Variants in POC5 observed in about 807,000 individuals in gnomAD.
POC5 encodes centrosomal protein POC5.
A neutral mutation model predicts 62.9 loss-of-function variants in POC5; 48 were observed. That is an observed-to-expected ratio of 0.76 (90% CI 0.61 to 0.97). The LOEUF is 0.97. POC5 is among the 50% of genes least tolerant of loss of function. The pLI, the probability that POC5 is intolerant of heterozygous loss-of-function variation, is 0.00. For synonymous variants in POC5, 236 were observed against 228.2 expected (o/e 1.03, Z -0.31); for missense variants, 696 against 679.5 (o/e 1.02, Z -0.27).
chr5:75,691,402 A>G (rs1323104187), intron 7 of POC5, among the ~76,000 whole-genome samples: 1 of 152,232 alleles, frequency 6.6e-6, no homozygotes, highest in African/African-American at 2.4e-5. Context: ...GAGTGTCAGC[A>G]TGACACCACA....
intron 10 of POC5, among the ~76,000 whole-genome samples, chr5:75,678,914 G>A (rs1470640333): frequency 1.3e-5 from 2 of 152,092 alleles, no homozygotes; most frequent in Admixed American, 6.5e-5. Flanking sequence ...TTACACAGCC[G>A]CCTGTTTAAG....
intron 10 of POC5, among the ~76,000 whole-genome samples, chr5:75,679,589 G>A (rs1471241907): frequency 6.6e-6 from 1 of 152,124 alleles, no homozygotes; most frequent in African/African-American, 2.4e-5. Context: ...ATTCACTATA[G>A]TTGGATAGAA....
At chr5:75,680,460 C>T (rs1490093106) in intron 10 of POC5, among the ~76,000 whole-genome samples, 1 of 152,034 alleles carries the variant, frequency 6.6e-6, no homozygotes, top group Non-Finnish European at 1.5e-5. Flanking sequence ...AAAATGACTT[C>T]TAAAAGACTT....
Position 75,690,511 on chromosome 5 carries a change from T to C in POC5, c.847A>G (p.Lys283Glu). 6.2e-7 allele frequency: 1 copy of C among 1,604,024 alleles called. No individual in the cohort carries two copies. The highest frequency in any genetic ancestry group is 2.2e-5 in the East Asian group (1 of 44,760). Residue 283 changes from lysine to glutamate, a missense_variant, in exon 8 of 12, where the codon AAA becomes GAA. By Grantham distance (56) the Lys-to-Glu change is moderately conservative. Coordinates refer to ENST00000428202, the MANE Select transcript of POC5 (RefSeq NM_001099271.2). ...DQYYQRTLLKKVWKVWRSVVQ... is the reference protein window; with the variant it reads ...DQYYQRTLLKEVWKVWRSVVQ... ...ACGGAACGCCAGACTTTCCAGACTT[T>C]CTTCAGTAAAGTTCTCTGGTAGTAC...
At chr5:75,702,975 T>G (rs1776954764) in intron 4 of POC5, 165 bp from the exon 5 acceptor site, 2 of 621,672 alleles carry the variant, frequency 3.2e-6, no homozygotes, top group South Asian at 4.0e-5. Flanking sequence ...AATTTCAGTA[T>G]TGTCAGTGAT....
At chr5:75,676,344 C>A (rs543782600) in intron 11 of POC5, among the ~76,000 whole-genome samples, 1 of 152,118 alleles carries the variant, frequency 6.6e-6, no homozygotes, top group South Asian at 2.1e-4. Context: ...AAGTCTTCTA[C>A]GAACTTTCAG....
chr5:75,692,587 A>T (rs1776389482), intron 6 of POC5, 87 bp from the exon 7 acceptor site: 1 of 913,014 alleles, frequency 1.1e-6, no homozygotes, highest in African/African-American at 1.7e-5. Context: ...AAAATGCTAG[A>T]GAGGATAGGT....
intron 10 of POC5, among the ~76,000 whole-genome samples, chr5:75,682,639 C>T (rs781582324): frequency 1.3e-4 from 19 of 151,726 alleles, no homozygotes; most frequent in Non-Finnish European, 2.2e-4. Context: ...CCTCGGCCTC[C>T]TGAGTAGCTG....
rs139917711 is a variant in POC5 at position 75,710,956 on chromosome 5, A to T, written c.84+1898T>A. Among the ~76,000 whole-genome samples the T allele has an allele frequency of 3.4e-3, 514 of 152,264 alleles. 4 individuals carry two copies. Among genetic ancestry groups the T allele is most frequent in the Middle Eastern group, 6.8e-3 (2 of 292 alleles). On this transcript the variant is annotated intron_variant, in intron 2 of 11. Transcript: ENST00000428202. ...TAAGAGAAGGAAAAAAAAGATCCAA[A>T]CACATATTTCAAATCATATACTTCA...
intron 1 of POC5, among the ~76,000 whole-genome samples, chr5:75,715,092 T>C (rs748117871): frequency 4.0e-5 from 6 of 151,670 alleles, no homozygotes; most frequent in Non-Finnish European, 8.8e-5. Flanking sequence ...GTGGGAGGAT[T>C]ACGAGGTCAG....
chr5:75,678,009 T>C (rs1775738049), intron 10 of POC5, 59 bp from the exon 11 acceptor site: 3 of 1,316,554 alleles, frequency 2.3e-6, no homozygotes, highest in Non-Finnish European at 2.0e-6. Context: ...CAGCAAAATC[T>C]ATTGATTCCA....
At chr5:75,713,865 T>C (rs879390005) in intron 1 of POC5, among the ~76,000 whole-genome samples, 1 of 152,120 alleles carries the variant, frequency 6.6e-6, no homozygotes, top group Non-Finnish European at 1.5e-5. Context: ...GCCATGGACA[T>C]GTATGCCACG....
chr5:75,699,132 C>T (rs1232945914), intron 5 of POC5, among the ~76,000 whole-genome samples: 4 of 152,138 alleles, frequency 2.6e-5, no homozygotes, highest in African/African-American at 9.7e-5. Context: ...TGAATTCTAC[C>T]AGAGGTACAA....
rs749952784 is a variant in POC5, at chr5:75,694,746, T to C, written c.599A>G (p.His200Arg). 28 of 1,597,760 alleles carry C rather than the reference T, an allele frequency of 1.8e-5. No individual in the cohort carries two copies. In the Admixed American group the frequency reaches 3.4e-4, roughly 19 times the overall value. The change falls in exon 6 of 12, where the codon CAT becomes CGT. Residue 200 changes from histidine (H) to arginine (R), a missense_variant. His to Arg is a conservative substitution (Grantham distance 29). Transcript: ENST00000428202. ...RMEMRKEKEKHAAHLKQLCNQ... is the reference protein window; with the variant it reads ...RMEMRKEKEKRAAHLKQLCNQ... ...ACACAGTTGTTTTAAATGTGCTGCATGTTTTTCTTTCTCTTTTCTCATTTC... is the reference window on the plus strand; with the variant it reads ...ACACAGTTGTTTTAAATGTGCTGCACGTTTTTCTTTCTCTTTTCTCATTTC...
At chr5:75,684,294 C>T (rs1325387677) in intron 10 of POC5, among the ~76,000 whole-genome samples, 2 of 146,404 alleles carry the variant, frequency 1.4e-5, no homozygotes, top group Non-Finnish European at 3.0e-5. Flanking sequence ...TTTGAAAACA[C>T]CCAATAGTGT....
chr5:75,681,220 C>T (rs982810104), intron 10 of POC5, among the ~76,000 whole-genome samples: 8 of 152,104 alleles, frequency 5.3e-5, no homozygotes, highest in Non-Finnish European at 8.8e-5. Context: ...AGTTACTAAT[C>T]GTGTCCTTAG....
At chr5:75,695,585 G>C (rs1346974224) in intron 5 of POC5, among the ~76,000 whole-genome samples, 1 of 152,018 alleles carries the variant, frequency 6.6e-6, no homozygotes, top group Non-Finnish European at 1.5e-5. Flanking sequence ...CTCTATATAT[G>C]TGAATATGCA....
rs961162363 is a variant in POC5 at position 75,700,840 on chromosome 5, C to T, written c.513+1765G>A. ...ACTTATCTGACAAAGGGCTAATATC[C>T]AGAATCTACAATGAACTCAAACAAA... On this transcript the variant is annotated intron_variant, in intron 5 of 11. Coordinates refer to ENST00000428202, the MANE Select transcript of POC5 (RefSeq NM_001099271.2). 1.1e-4 allele frequency among the ~76,000 whole-genome samples: 16 copies of T among 139,336 alleles called. 2 individuals are homozygous for T. The highest frequency in any genetic ancestry group is 2.0e-4 in the African/African-American group (8 of 39,184). The allele number at this position is 139,336 out of a possible 152,430, so 91.4% of individuals were successfully genotyped here. A position where few individuals can be genotyped will look rare whatever the true frequency, so the allele number is the denominator to read the frequency against.
chr5:75,715,309 C>CAAAA lies in POC5; in HGVS notation c.-15+1993_-15+1996dup, dbSNP rs922297009. Among the ~76,000 whole-genome samples, 435 of 59,124 alleles carry CAAAA rather than the reference C, an allele frequency of 7.4e-3. 18 individuals carry two copies. The highest frequency in any genetic ancestry group is 0.025 in the African/African-American group (397 of 16,086). 38.8% of individuals were successfully genotyped at this position (59,124 alleles called of 152,430 possible). On this transcript the variant is annotated intron_variant, in intron 1 of 11. Transcript: ENST00000428202. ...TGGGCGACAGAGTGAGACTCCGTCTCAAAAAAAAAAAAAAAAAAAAAGAAC... is the reference window on the plus strand; with the variant it reads ...TGGGCGACAGAGTGAGACTCCGTCTCAAAAAAAAAAAAAAAAAAAAAAAAAGAAC...
Sources: allele counts gnomAD v4.1 joint callset (sites outside exome capture counted in the v4.1 genomes callset), GRCh38; gene constraint gnomAD v4.1.1; transcripts MANE v1.5; gene names NCBI Gene and HGNC (gene_info 2026-07-23, HGNC 2026-07-21).